Variants in SMAD9 observed in about 807,000 individuals in gnomAD.
The protein encoded by SMAD9 is MAD homolog 9.
In SMAD9, 36 loss-of-function variants were observed where a neutral mutation model predicts 46.1. The observed-to-expected ratio is 0.78, with a 90% CI of 0.60 to 1.03. The LOEUF is 1.03. Ranked by LOEUF, SMAD9 falls within the 50% of genes least tolerant of loss-of-function variation. The pLI is 0.00. For synonymous variants in SMAD9, 245 were observed against 237.1 expected, an observed-to-expected ratio of 1.03 and a Z score of -0.31; for missense variants, 572 against 599.8, an observed-to-expected ratio of 0.95 and a Z score of 0.48.
At chr13:36,868,301 C>G (rs762589939) in intron 3 of SMAD9, among the ~76,000 whole-genome samples, 4 of 152,222 alleles carry the variant, frequency 2.6e-5, no homozygotes, top group Non-Finnish European at 5.9e-5. Flanking sequence ...AATTCTAATG[C>G]AGGGTTCGTG....
chr13:36,853,459 TCATA>T lies in SMAD9; in HGVS notation c.1216_1219del (p.Tyr406AsnfsTer2). ...CCGGATAGTACACATCTTGGTCAGTTCATACACGACTTCAAAGCCGTGGTGAACT... is the reference window on the plus strand; with the variant it reads ...CCGGATAGTACACATCTTGGTCAGTTCACGACTTCAAAGCCGTGGTGAACT... On this transcript the variant is annotated frameshift_variant, in exon 6 of 7. Transcript: ENST00000379826. LOFTEE classifies it high-confidence loss of function. 1 of 1,614,126 alleles carries T rather than the reference TCATA, an allele frequency of 6.2e-7. No homozygotes were observed. The highest frequency in any genetic ancestry group is 8.5e-7 in the Non-Finnish European group (1 of 1,180,018).
chr13:36,863,634 T>C (rs544907294), intron 5 of SMAD9, among the ~76,000 whole-genome samples: 1 of 152,178 alleles, frequency 6.6e-6, no homozygotes, highest in Non-Finnish European at 1.5e-5. Context: ...CTTGGTGCCC[T>C]CCTTGAGGTA....
At chr13:36,911,139 G>A (rs2058657589) in intron 1 of SMAD9, among the ~76,000 whole-genome samples, 1 of 151,868 alleles carries the variant, frequency 6.6e-6, no homozygotes, top group Non-Finnish European at 1.5e-5. Flanking sequence ...CTGAGTATCT[G>A]GGGCTACAGG....
rs537168178 is a variant in SMAD9, at chr13:36,908,907, G to A, written c.-187+11209C>T. ...TACAAGGGATATATGTGGCCCAAATGAAGACTCTTGGTTTACCAGGCAGCC... is the reference window on the plus strand; with the variant it reads ...TACAAGGGATATATGTGGCCCAAATAAAGACTCTTGGTTTACCAGGCAGCC... On this transcript the variant is annotated intron_variant, in intron 1 of 6. Coordinates refer to ENST00000379826, the MANE Select transcript of SMAD9 (RefSeq NM_001127217.3). 2.0e-5 allele frequency among the ~76,000 whole-genome samples: 3 copies of A among 152,262 alleles called. No homozygotes were observed. The South Asian group carries it at 6.2e-4, about 32-fold the overall frequency.
intron 1 of SMAD9, 62 bp from the exon 2 acceptor site, chr13:36,879,937 TTG>T: frequency 4.1e-6 from 2 of 490,774 alleles, no homozygotes; most frequent in Non-Finnish European, 7.3e-6. Flanking sequence ...AAAGTTGAAG[TTG>T]GATAGAAAGA....
chr13:36,919,644 G>A (rs2058725883), intron 1 of SMAD9, among the ~76,000 whole-genome samples: 1 of 147,818 alleles, frequency 6.8e-6, no homozygotes, highest in Admixed American at 6.8e-5. Flanking sequence ...CCCCTCAGGC[G>A]CCTATCCTGG....
chr13:36,879,854 C>G lies in SMAD9; in HGVS notation c.-165G>C. On this transcript the variant is annotated 5_prime_UTR_variant, in exon 2 of 7. Coordinates refer to ENST00000379826, the MANE Select transcript of SMAD9 (RefSeq NM_001127217.3). ...CGAAGTGTGTTGACTTTCTCCTAAG[C>G]CCTTGAACAGGGTGGCCAACTCTGG... 1.4e-6 allele frequency: 1 copy of G among 689,966 alleles called. No individual in the cohort carries two copies. Among genetic ancestry groups the G allele is most frequent in the Non-Finnish European group, 2.4e-6 (1 of 408,604 alleles). The allele number at this position is 689,966 out of a possible 1,614,324, so 42.7% of individuals were successfully genotyped here. A position where few individuals can be genotyped will look rare whatever the true frequency, so the allele number is the denominator to read the frequency against.
chr13:36,911,342 T>C (rs548504200), intron 1 of SMAD9, among the ~76,000 whole-genome samples: 136 of 152,226 alleles, frequency 8.9e-4, no homozygotes, highest in African/African-American at 3.1e-3. Flanking sequence ...ATGTAATTAA[T>C]TGAAGTTCTA....
chr13:36,873,777 C>T (rs868379066), intron 2 of SMAD9, among the ~76,000 whole-genome samples: 5 of 152,054 alleles, frequency 3.3e-5, no homozygotes, highest in Admixed American at 6.5e-5. Context: ...GCAGGAGAAT[C>T]GCTTGAATCT....
At chr13:36,900,954 T>A (rs2058570773) in intron 1 of SMAD9, among the ~76,000 whole-genome samples, 1 of 152,156 alleles carries the variant, frequency 6.6e-6, no homozygotes, top group African/African-American at 2.4e-5. Context: ...CCATCGACCC[T>A]GGCAACCACC....
intron 5 of SMAD9, among the ~76,000 whole-genome samples, chr13:36,860,369 G>A (rs952758230): frequency 8.6e-5 from 13 of 151,550 alleles, no homozygotes; most frequent in African/African-American, 4.9e-5. Context: ...TTCAGGATAC[G>A]CTTGATCTAT....
chr13:36,904,052 T>C (rs1356369741), intron 1 of SMAD9, among the ~76,000 whole-genome samples: 1 of 152,228 alleles, frequency 6.6e-6, no homozygotes, highest in Non-Finnish European at 1.5e-5. Flanking sequence ...ACTGAATAAC[T>C]ATTTGTCTTA....
chr13:36,918,606 T>A (rs572225760), intron 1 of SMAD9, among the ~76,000 whole-genome samples: 1 of 152,236 alleles, frequency 6.6e-6, no homozygotes, highest in Non-Finnish European at 1.5e-5. Context: ...ATCTGAAGCC[T>A]CCTTCTTGGA....
intron 1 of SMAD9, among the ~76,000 whole-genome samples, chr13:36,918,819 G>A (rs1308651501): frequency 1.3e-5 from 2 of 152,196 alleles, no homozygotes; most frequent in African/African-American, 2.4e-5. Context: ...GCTAAGGCAG[G>A]AGACATGCTT....
chr13:36,869,087 A>C (rs749644138), intron 3 of SMAD9, among the ~76,000 whole-genome samples: 1 of 152,190 alleles, frequency 6.6e-6, no homozygotes, highest in Non-Finnish European at 1.5e-5. Context: ...GAAAGTAGAT[A>C]GAGCTTACCA....
chr13:36,888,904 G>T (rs2058469038), intron 1 of SMAD9, among the ~76,000 whole-genome samples: 1 of 152,148 alleles, frequency 6.6e-6, no homozygotes, highest in Admixed American at 6.5e-5. Context: ...GGACGCACAT[G>T]AAACTGACCA....
At chr13:36,863,259 A>T (rs963426612) in intron 5 of SMAD9, among the ~76,000 whole-genome samples, 4 of 151,712 alleles carry the variant, frequency 2.6e-5, no homozygotes, top group Non-Finnish European at 5.9e-5. Context: ...ACTTTTTTCC[A>T]CCCACACGCT....
chr13:36,911,636 G>C (rs11842882), intron 1 of SMAD9, among the ~76,000 whole-genome samples: 6,509 of 145,714 alleles, frequency 0.045, 518 homozygotes, highest in East Asian at 0.19. Flanking sequence ...GGGGCGGGTG[G>C]AGTTCATAAA....
intron 1 of SMAD9, among the ~76,000 whole-genome samples, chr13:36,909,924 G>A (rs190527927): frequency 8.5e-5 from 13 of 152,328 alleles, no homozygotes; most frequent in African/African-American, 1.7e-4. Flanking sequence ...CCGGCTGGGC[G>A]CAGTGGCTCA....
Sources: allele counts gnomAD v4.1 joint callset (sites outside exome capture counted in the v4.1 genomes callset), GRCh38; gene constraint gnomAD v4.1.1; transcripts MANE v1.5; gene names NCBI Gene and HGNC (gene_info 2026-07-23, HGNC 2026-07-21).